TYW1: variants seen among roughly 807,000 people sequenced by gnomAD.
TYW1 encodes S-adenosyl-L-methionine-dependent tRNA 4-demethylwyosine synthase TYW1.
A neutral mutation model predicts 96.2 loss-of-function variants in TYW1; 46 were observed. The observed-to-expected ratio is 0.48, with a 90% CI of 0.38 to 0.61. The LOEUF is 0.61. Among genes scored for constraint, TYW1 ranks in the 20% least tolerant of loss-of-function variants. The pLI is 0.00. For synonymous variants in TYW1, 274 were observed against 323.0 expected, an observed-to-expected ratio of 0.85 and a Z score of 1.63; for missense variants, 684 against 909.6, an observed-to-expected ratio of 0.75 and a Z score of 3.19.
At chr7:67,206,044 C>T (rs1343966289) in intron 15 of TYW1, among the ~76,000 whole-genome samples, 1 of 152,218 alleles carries the variant, frequency 6.6e-6, no homozygotes, top group Non-Finnish European at 1.5e-5. Flanking sequence ...TCTACTCCAT[C>T]TTGTCCAGAA....
rs758570902 is a variant in TYW1 at position 67,009,689 on chromosome 7, G to A, written c.375+5G>A. On this transcript the variant is annotated splice_donor_5th_base_variant and intron_variant, in intron 4 of 15. Coordinates refer to ENST00000359626, the MANE Select transcript of TYW1 (RefSeq NM_018264.4). ...GATGATCATCTGATAGAAGAGGTTGGTAATTGTCTTTTTCTTCAGTCAAAA... is the reference window on the plus strand; with the variant it reads ...GATGATCATCTGATAGAAGAGGTTGATAATTGTCTTTTTCTTCAGTCAAAA... 1 of 1,584,186 alleles carries A rather than the reference G, an allele frequency of 6.3e-7. No individual in the cohort carries two copies. The highest frequency in any genetic ancestry group is 1.9e-5 in the Admixed American group (1 of 52,746).
chr7:67,177,990 C>CAGAAAAAAAAAA (rs1799727947), intron 13 of TYW1, among the ~76,000 whole-genome samples: 1 of 100,022 alleles, frequency 1.0e-5, no homozygotes, highest in Non-Finnish European at 2.0e-5. Flanking sequence ...CCTGTCTCTA[C>CAGAAAAAAAAAA]AGAAAAAAAA....
In TYW1 at chr7:67,024,924, A is replaced by G. The variant is rs1439209236; in HGVS notation, c.886A>G (p.Ser296Gly). 11 of 1,613,804 alleles carry G rather than the reference A, an allele frequency of 6.8e-6. No homozygotes were observed. The African/African-American group carries it at 1.5e-4, about 22-fold the overall frequency. The change falls in exon 7 of 16, where the codon AGT becomes GGT. Residue 296 changes from serine (S) to glycine (G), a missense_variant. Ser to Gly is a moderately conservative substitution (Grantham distance 56). Transcript: ENST00000359626. ...TEEEEPFESS[S>G]EEEFGGEDHQ... Reference sequence around the variant, plus strand: ...GGAGGAAGAACCCTTTGAGAGCTCCAGTGAAGAAGAGTTTGGTGGTGAGGA... The same window carrying G: ...GGAGGAAGAACCCTTTGAGAGCTCCGGTGAAGAAGAGTTTGGTGGTGAGGA...
chr7:67,021,800 G>A (rs1473390803), intron 6 of TYW1, among the ~76,000 whole-genome samples: 1 of 152,176 alleles, frequency 6.6e-6, no homozygotes, highest in Admixed American at 6.6e-5. Flanking sequence ...GTTCCTTTTG[G>A]AAAAAGTAAA....
At chr7:67,145,201 T>G (rs540339037) in intron 13 of TYW1, among the ~76,000 whole-genome samples, 2 of 142,794 alleles carry the variant, frequency 1.4e-5, no homozygotes, top group Non-Finnish European at 3.0e-5. Flanking sequence ...CAGTCTGGAG[T>G]GCAGTGGCAT....
At chr7:67,062,812 C>T (rs1353540419) in intron 9 of TYW1, among the ~76,000 whole-genome samples, 1 of 152,086 alleles carries the variant, frequency 6.6e-6, no homozygotes, top group Non-Finnish European at 1.5e-5. Flanking sequence ...TAATTAAAAG[C>T]CTCCCCAAAG....
intron 13 of TYW1, among the ~76,000 whole-genome samples, chr7:67,172,879 G>C (rs548789038): frequency 1.1e-4 from 16 of 151,808 alleles, no homozygotes; most frequent in Non-Finnish European, 2.2e-4. Flanking sequence ...CAGCACTTTG[G>C]GAGTTCAAGG....
At position 67,024,901 on chromosome 7, in the gene TYW1, A is replaced by G. The variant is rs772795428; in HGVS notation, c.863A>G (p.Glu288Gly). The G allele has an allele frequency of 5.6e-6, 9 of 1,613,704 alleles. No individual in the cohort carries two copies. The East Asian group carries it at 2.0e-4, about 36-fold the overall frequency. The change falls in exon 7 of 16, where the codon GAG becomes GGG. Residue 288 changes from glutamate to glycine, a missense_variant and splice_region_variant. Transcript: ENST00000359626. ...QDELHHRDTEEEEPFESSSEE... is the reference protein window; with the variant it reads ...QDELHHRDTEGEEPFESSSEE... ...ATTTCTGAAGCATTTCTCTTCCAGG[A>G]GGAAGAACCCTTTGAGAGCTCCAGT...
chr7:67,056,492 CAAAAAAA>C (rs911271482), intron 9 of TYW1, among the ~76,000 whole-genome samples: 1 of 65,894 alleles, frequency 1.5e-5, no homozygotes, highest in South Asian at 4.7e-4. Flanking sequence ...GATTCCATCT[CAAAAAAA>C]AAAAAAAAAA....
rs1307961845 is a variant in TYW1, at chr7:67,029,406, T to TATACATATATATATATAC, written c.984+4384_984+4385insATACATATATATATATAC. On this transcript the variant is annotated intron_variant, in intron 7 of 15. Coordinates refer to ENST00000359626, the MANE Select transcript of TYW1 (RefSeq NM_018264.4). ...GCGTGTGTGTGTGTGTGTGTGTGTG[T>TATACATATATATATATAC]GTGTGTGTGTATATATATATATATA... Among the ~76,000 whole-genome samples the TATACATATATATATATAC allele has an allele frequency of 9.5e-4, 93 of 97,830 alleles. 4 individuals are homozygous for TATACATATATATATATAC. The highest frequency in any genetic ancestry group is 1.9e-3 in the South Asian group (6 of 3,142). 64.2% of individuals were successfully genotyped at this position (97,830 alleles called of 152,430 possible).
At chr7:67,213,670 G>T (rs1252712507) in intron 15 of TYW1, among the ~76,000 whole-genome samples, 1 of 152,178 alleles carries the variant, frequency 6.6e-6, no homozygotes, top group African/African-American at 2.4e-5. Context: ...TTATGGTTAA[G>T]TCTGTGATCC....
intron 12 of TYW1, chr7:67,114,284 T>G (rs1228116727): frequency 6.5e-6 from 1 of 154,270 alleles, no homozygotes; most frequent in Non-Finnish European, 1.5e-5. Flanking sequence ...CACTGTTTAC[T>G]TGAATTTCTT....
At chr7:67,094,943 G>A (rs1028949220) in intron 11 of TYW1, among the ~76,000 whole-genome samples, 18 of 151,970 alleles carry the variant, frequency 1.2e-4, no homozygotes, top group Admixed American at 4.6e-4. Context: ...AAATAAAGTG[G>A]TGCCTGGTGG....
Position 67,183,252 on chromosome 7 carries a change from C to T in TYW1, c.1809+16C>T, listed in dbSNP as rs372725266. 247 of 1,587,268 alleles carry T rather than the reference C, an allele frequency of 1.6e-4. No homozygotes were observed. The highest frequency in any genetic ancestry group is 2.1e-4 in the Non-Finnish European group (240 of 1,166,312). On this transcript the variant is annotated intron_variant, in intron 14 of 15. Coordinates refer to ENST00000359626, the MANE Select transcript of TYW1 (RefSeq NM_018264.4). ...CGAAGTGAAGGTAAGCCCCTGCTGA[C>T]TCTGGTGGCTGTGGTGGAGTGACAA...
intron 12 of TYW1, among the ~76,000 whole-genome samples, chr7:67,108,968 T>C (rs1023482436): frequency 2.0e-5 from 3 of 151,656 alleles, no homozygotes; most frequent in Non-Finnish European, 4.4e-5. Flanking sequence ...GAAGTTACAG[T>C]GAAAATAGAA....
chr7:67,089,450 G>A (rs1447901159), intron 11 of TYW1: 2 of 1,227,966 alleles, frequency 1.6e-6, no homozygotes, highest in Non-Finnish European at 2.4e-6. Flanking sequence ...GCAGGTGGAA[G>A]GCGTGGCCTT....
chr7:67,158,294 G>T (rs1429056672), intron 13 of TYW1, among the ~76,000 whole-genome samples: 2 of 151,890 alleles, frequency 1.3e-5, no homozygotes. Context: ...CAGCTGTGTT[G>T]GTCAGGCTGG....
chr7:67,154,451 T>C (rs1203827411), intron 13 of TYW1, among the ~76,000 whole-genome samples: 3 of 145,674 alleles, frequency 2.1e-5, no homozygotes, highest in African/African-American at 7.9e-5. Flanking sequence ...CCTTCATTTC[T>C]GAAGGATAGT....
intron 12 of TYW1, among the ~76,000 whole-genome samples, chr7:67,100,154 A>G (rs1214845818): frequency 6.6e-6 from 1 of 152,054 alleles, no homozygotes; most frequent in Non-Finnish European, 1.5e-5. Flanking sequence ...ATAACAGCAG[A>G]GGGCTCTTGT....
Sources: allele counts gnomAD v4.1 joint callset (sites outside exome capture counted in the v4.1 genomes callset), GRCh38; gene constraint gnomAD v4.1.1; transcripts MANE v1.5; gene names NCBI Gene and HGNC (gene_info 2026-07-23, HGNC 2026-07-21).